The following RIC8B variants were observed in gnomAD, a reference collection of about 807,000 sequenced individuals.
The protein encoded by RIC8B is chaperone Ric-8B.
Under a neutral mutation model 57.5 loss-of-function variants are expected in RIC8B, and 16 were observed. The ratio of observed to expected loss-of-function variants is 0.28; its 90% CI spans 0.19 to 0.42. RIC8B has a LOEUF of 0.42. RIC8B is among the 10% of genes least tolerant of loss of function. The pLI, the probability that RIC8B is intolerant of heterozygous loss-of-function variation, is 1.00. For synonymous variants in RIC8B, 216 were observed against 250.8 expected, an observed-to-expected ratio of 0.86 and a Z score of 1.31; for missense variants, 481 against 677.0, an observed-to-expected ratio of 0.71 and a Z score of 3.21.
intron 9 of RIC8B, among the ~76,000 whole-genome samples, chr12:106,877,259 A>G (rs1217986382): frequency 6.6e-6 from 1 of 152,184 alleles, no homozygotes. Flanking sequence ...TAAGGATTAA[A>G]TGCACCAAAG....
At chr12:106,777,620 A>G (rs1400522929) in intron 1 of RIC8B, among the ~76,000 whole-genome samples, 1 of 152,154 alleles carries the variant, frequency 6.6e-6, no homozygotes, top group Non-Finnish European at 1.5e-5. Context: ...GAGGCAGTCA[A>G]GTGTAGTAGA....
chr12:106,845,319 A>G (rs1280899583), intron 6 of RIC8B, among the ~76,000 whole-genome samples: 2 of 123,882 alleles, frequency 1.6e-5, no homozygotes, highest in Non-Finnish European at 3.5e-5. Context: ...CAAGATGACT[A>G]TTTCACAGCT....
chr12:106,805,241 C>T (rs2044953474), intron 2 of RIC8B, among the ~76,000 whole-genome samples: 1 of 152,188 alleles, frequency 6.6e-6, no homozygotes, highest in South Asian at 2.1e-4. Flanking sequence ...CCACCAACAA[C>T]CAAGTTATAC....
chr12:106,870,575 TAA>T (rs376446634), intron 8 of RIC8B, among the ~76,000 whole-genome samples: 4 of 141,892 alleles, frequency 2.8e-5, no homozygotes, highest in Non-Finnish European at 3.1e-5. Flanking sequence ...ACCATGCCTC[TAA>T]AAAAAAAAAA....
intron 9 of RIC8B, among the ~76,000 whole-genome samples, chr12:106,875,940 T>C (rs1251152856): frequency 3.9e-5 from 6 of 152,104 alleles, no homozygotes; most frequent in African/African-American, 1.2e-4. Context: ...AAATAACAAA[T>C]ACATAGTTTT....
At chr12:106,801,065 A>G (rs1297512010) in intron 2 of RIC8B, among the ~76,000 whole-genome samples, 1 of 152,256 alleles carries the variant, frequency 6.6e-6, no homozygotes, top group African/African-American at 2.4e-5. Flanking sequence ...CCAACATACT[A>G]ACTTTAAATA....
intron 6 of RIC8B, among the ~76,000 whole-genome samples, chr12:106,847,292 C>CA (rs1949240760): frequency 6.6e-6 from 1 of 152,182 alleles, no homozygotes; most frequent in African/African-American, 2.4e-5. Context: ...ACAATAACAA[C>CA]AAAATTTTGT....
chr12:106,831,287 G>A (rs911024234), intron 4 of RIC8B, among the ~76,000 whole-genome samples: 8 of 152,114 alleles, frequency 5.3e-5, no homozygotes, highest in South Asian at 2.1e-4. Flanking sequence ...TTCAAAAAGC[G>A]GATTTCTACT....
chr12:106,851,210 G>A (rs899114703), intron 6 of RIC8B, among the ~76,000 whole-genome samples: 4 of 151,820 alleles, frequency 2.6e-5, no homozygotes, highest in African/African-American at 7.3e-5. Flanking sequence ...TGAGGATAGT[G>A]TGATGATACA....
At chr12:106,817,757 G>A (rs1486728821) in intron 3 of RIC8B, among the ~76,000 whole-genome samples, 4 of 151,326 alleles carry the variant, frequency 2.6e-5, no homozygotes, top group Non-Finnish European at 5.9e-5. Flanking sequence ...CCCGGGAGGC[G>A]GAGCTTGCAG....
chr12:106,803,631 A>G (rs902293722), intron 2 of RIC8B, among the ~76,000 whole-genome samples: 6 of 152,072 alleles, frequency 3.9e-5, no homozygotes, highest in African/African-American at 1.4e-4. Flanking sequence ...GTTTCAGTGT[A>G]TTCAATTATT....
At chr12:106,885,225 G>C (rs941989165) in intron 9 of RIC8B, among the ~76,000 whole-genome samples, 2 of 152,158 alleles carry the variant, frequency 1.3e-5, no homozygotes, top group African/African-American at 4.8e-5. Context: ...CTGAAAAGCG[G>C]CAGTTGCGGA....
intron 8 of RIC8B, chr12:106,868,393 C>T (rs1299041356): frequency 2.2e-6 from 1 of 454,166 alleles, no homozygotes; most frequent in Non-Finnish European, 4.4e-6. Flanking sequence ...ATACTTTCTT[C>T]TAAGGCCTGA....
chr12:106,785,815 G>C (rs2707204), intron 2 of RIC8B, among the ~76,000 whole-genome samples: 25,769 of 59,644 alleles, frequency 0.43, 3,389 homozygotes, highest in African/African-American at 0.52. Flanking sequence ...CTCTCTCTCT[G>C]TGTGTGTGTG....
intron 6 of RIC8B, among the ~76,000 whole-genome samples, chr12:106,849,286 A>AGTTT (rs966984744): frequency 7.2e-6 from 1 of 138,652 alleles, no homozygotes; most frequent in African/African-American, 2.8e-5. Flanking sequence ...CTTTTTAAAT[A>AGTTT]GTTTATTTAT....
At chr12:106,809,387 G>A (rs1434338861) in intron 2 of RIC8B, among the ~76,000 whole-genome samples, 1 of 152,204 alleles carries the variant, frequency 6.6e-6, no homozygotes, top group South Asian at 2.1e-4. Flanking sequence ...AGCAGGCGTG[G>A]TGGTGTGTGT....
intron 2 of RIC8B, among the ~76,000 whole-genome samples, chr12:106,807,195 G>T (rs1461572698): frequency 6.6e-6 from 1 of 152,202 alleles, no homozygotes; most frequent in Non-Finnish European, 1.5e-5. Flanking sequence ...GTATGGTACA[G>T]ATTCTGTATG....
chr12:106,843,856 G>T lies in RIC8B; in HGVS notation c.1070G>T (p.Ser357Ile). 6.3e-7 allele frequency: 1 copy of T among 1,597,008 alleles called. No individual in the cohort carries two copies. Among genetic ancestry groups the T allele is most frequent in the Admixed American group, 1.7e-5 (1 of 57,636 alleles). ...ATATGGTTTTTTTTTTTATAGGGAA[G>T]CAGCTATAGAGAGGGTCTAACTCCA... ...NFMEKRIDKG[S>I]SYREGLTPVL... The change falls in exon 6 of 10, where the codon AGC becomes ATC. Residue 357 changes from serine (S) to isoleucine (I), a missense_variant. Physicochemically the swap from Ser to Ile is moderately radical, Grantham distance 142 (BLOSUM62 -2). Around this residue, in one of 3 missense-constraint regions of RIC8B, gnomAD observed 421 missense variants for 560.9 expected, o/e 0.75. Transcript: ENST00000392837.
chr12:106,803,080 A>G lies in RIC8B; in HGVS notation c.133-11616A>G, dbSNP rs376581860. On this transcript the variant is annotated intron_variant, in intron 2 of 9. Transcript: ENST00000392837. ...AAAAAAAAATAGCTGAACACAGTTA[A>G]TTGGACCTCTATTCCTAGCTACTTG... is the stretch of plus-strand genomic sequence containing the variant. 3.9e-5 allele frequency among the ~76,000 whole-genome samples: 6 copies of G among 151,904 alleles called. No homozygotes were observed. In the South Asian group the frequency reaches 1.0e-3, roughly 26 times the overall value.
Sources: gnomAD v4.1 joint callset for allele counts (sites outside exome capture counted in the v4.1 genomes callset) on GRCh38, gnomAD v4.1.1 for gene constraint, gnomAD v4.1.1 regional missense constraint, MANE v1.5 for transcripts, NCBI Gene and HGNC (gene_info 2026-07-23, HGNC 2026-07-21) for gene names.